The following KCNK2 variants were observed in gnomAD, a reference collection of about 807,000 sequenced individuals.
The protein encoded by KCNK2 is potassium channel subfamily K member 2.
KCNK2 carries 21 observed loss-of-function variants against 40.5 expected under a neutral mutation model. That is an observed-to-expected ratio of 0.52 (90% CI 0.37 to 0.75). The LOEUF (loss-of-function observed/expected upper bound fraction) is 0.75. Among genes scored for constraint, KCNK2 ranks in the 30% least tolerant of loss-of-function variants. KCNK2 has a pLI of 0.00. For missense variants in KCNK2, 399 were observed against 531.6 expected, an observed-to-expected ratio of 0.75 and a Z score of 2.45; for synonymous variants, 191 against 202.2, an observed-to-expected ratio of 0.94 and a Z score of 0.47.
chr1:215,016,904 A>G (rs1041276148), intron 1 of KCNK2, among the ~76,000 whole-genome samples: 1 of 151,114 alleles, frequency 6.6e-6, no homozygotes, highest in Admixed American at 6.6e-5. Context: ...CAAGAGCAAG[A>G]AAACAAATAA....
At chr1:215,111,752 T>C (rs1571625324) in intron 2 of KCNK2, among the ~76,000 whole-genome samples, 1 of 151,870 alleles carries the variant, frequency 6.6e-6, no homozygotes, top group East Asian at 1.9e-4. Flanking sequence ...TATGCGGAGA[T>C]TTAGTTTGTT....
chr1:215,056,399 T>A (rs1658165068), intron 1 of KCNK2, among the ~76,000 whole-genome samples: 1 of 147,242 alleles, frequency 6.8e-6, no homozygotes, highest in Non-Finnish European at 1.5e-5. Flanking sequence ...GGCATAAGAT[T>A]ATCAAGAGTA....
intron 3 of KCNK2, among the ~76,000 whole-genome samples, chr1:215,127,053 G>A (rs910357928): frequency 6.6e-6 from 1 of 152,140 alleles, no homozygotes; most frequent in Non-Finnish European, 1.5e-5. Context: ...GATAATAATT[G>A]TGTGAACTTT....
chr1:215,073,645 GA>G (rs1658835760), intron 1 of KCNK2, among the ~76,000 whole-genome samples: 1 of 152,176 alleles, frequency 6.6e-6, no homozygotes, highest in Non-Finnish European at 1.5e-5. Flanking sequence ...ACCACAGAGA[GA>G]AAATCATGGA....
chr1:215,066,465 A>G (rs1017715580), intron 1 of KCNK2, among the ~76,000 whole-genome samples: 4 of 115,132 alleles, frequency 3.5e-5, no homozygotes, highest in African/African-American at 1.5e-4. Flanking sequence ...CATAAATTAG[A>G]CTGCTAAAAA....
intron 1 of KCNK2, among the ~76,000 whole-genome samples, chr1:215,017,921 G>A (rs1656649190): frequency 6.6e-6 from 1 of 152,080 alleles, no homozygotes; most frequent in African/African-American, 2.4e-5. Context: ...AGATACATGT[G>A]AAATTCTCCT....
intron 1 of KCNK2, among the ~76,000 whole-genome samples, chr1:215,022,117 A>ATCTG (rs1656819851): frequency 2.4e-5 from 3 of 124,576 alleles, no homozygotes; most frequent in Non-Finnish European, 5.6e-5. Context: ...CTATCTATCT[A>ATCTG]TCTATCTATC....
In KCNK2 at chr1:215,221,234, C is replaced by T. The variant is rs568208515; in HGVS notation, c.964-13594C>T. Among the ~76,000 whole-genome samples the T allele has an allele frequency of 1.1e-4, 17 of 152,192 alleles. 1 individual carries two copies. The South Asian group carries it at 3.5e-3, about 32-fold the overall frequency. On this transcript the variant is annotated intron_variant, in intron 6 of 6. Transcript: ENST00000444842. ...ACTAAAAATACAAAAAGTAGTCAGG[C>T]GTGGTGGCAGGTGCCTGTAATCCCA...
chr1:215,021,691 G>A (rs1023519163), intron 1 of KCNK2, among the ~76,000 whole-genome samples: 3 of 151,804 alleles, frequency 2.0e-5, no homozygotes, highest in Admixed American at 1.3e-4. Context: ...GACTACAGGC[G>A]CCCGCCACCA....
chr1:215,070,415 TAAAAAAAAAAAAAAAAA>T (rs536258219), intron 1 of KCNK2, among the ~76,000 whole-genome samples: 3 of 93,584 alleles, frequency 3.2e-5, no homozygotes, highest in Admixed American at 1.4e-4. Flanking sequence ...GACCCCGTCT[TAAAAAAAAAAAAAAAAA>T]AAAAAAAAGG....
chr1:215,067,681 T>A (rs1297242178), intron 1 of KCNK2, among the ~76,000 whole-genome samples: 1 of 151,912 alleles, frequency 6.6e-6, no homozygotes, highest in Non-Finnish European at 1.5e-5. Flanking sequence ...CTGGCCAACA[T>A]GGTGAAACCC....
chr1:215,133,679 T>C (rs1661770504), intron 3 of KCNK2, among the ~76,000 whole-genome samples: 1 of 152,116 alleles, frequency 6.6e-6, no homozygotes, highest in Non-Finnish European at 1.5e-5. Flanking sequence ...AAAATTGGCA[T>C]TGTTATTTAT....
At chr1:215,105,665 G>C (rs1461279705) in intron 2 of KCNK2, among the ~76,000 whole-genome samples, 1 of 151,998 alleles carries the variant, frequency 6.6e-6, no homozygotes, top group African/African-American at 2.4e-5. Context: ...TGATGCTGAG[G>C]CTTGGGGCAT....
At chr1:215,127,469 T>C (rs554975654) in intron 3 of KCNK2, among the ~76,000 whole-genome samples, 122 of 152,342 alleles carry the variant, frequency 8.0e-4, no homozygotes, top group Non-Finnish European at 1.6e-3. Context: ...GACCATTCCT[T>C]TTCTCTCATA....
At chr1:215,007,185 G>GATATATATATATATATATA (rs1656202133) in intron 1 of KCNK2, among the ~76,000 whole-genome samples, 2 of 31,028 alleles carry the variant, frequency 6.4e-5, no homozygotes, top group Non-Finnish European at 1.2e-4. Flanking sequence ...ATGTGTGTGG[G>GATATATATATATATATATA]TATATATATA....
chr1:215,147,265 A>T (rs1215573777), intron 3 of KCNK2, among the ~76,000 whole-genome samples: 1 of 152,172 alleles, frequency 6.6e-6, no homozygotes, highest in Non-Finnish European at 1.5e-5. Context: ...TAAAATGCAC[A>T]TGTACCATCC....
At chr1:215,127,951 A>G (rs1303430181) in intron 3 of KCNK2, among the ~76,000 whole-genome samples, 1 of 152,194 alleles carries the variant, frequency 6.6e-6, no homozygotes, top group Non-Finnish European at 1.5e-5. Flanking sequence ...ATAATAAAAC[A>G]CTATCACTCT....
At chr1:215,231,399 G>A (rs1666659022) in intron 6 of KCNK2, among the ~76,000 whole-genome samples, 1 of 152,018 alleles carries the variant, frequency 6.6e-6, no homozygotes, top group Non-Finnish European at 1.5e-5. Context: ...GGTAATACAG[G>A]TCTATGTCAT....
At chr1:215,066,045 CGTAA>C (rs1375208254) in intron 1 of KCNK2, among the ~76,000 whole-genome samples, 1 of 152,026 alleles carries the variant, frequency 6.6e-6, no homozygotes, top group Non-Finnish European at 1.5e-5. Flanking sequence ...GGTTCTCACT[CGTAA>C]GTGAGAGTTG....
Sources: gnomAD v4.1 joint callset for allele counts (sites outside exome capture counted in the v4.1 genomes callset) on GRCh38, gnomAD v4.1.1 for gene constraint, MANE v1.5 for transcripts, NCBI Gene and HGNC (gene_info 2026-07-23, HGNC 2026-07-21) for gene names.